Variants in TXNDC16 observed in about 807,000 individuals in gnomAD.
The protein encoded by TXNDC16 is thioredoxin domain-containing protein 16.
A neutral mutation model predicts 85.6 loss-of-function variants in TXNDC16; 74 were observed. That is an observed-to-expected ratio of 0.86 (90% CI 0.72 to 1.05). The LOEUF (loss-of-function observed/expected upper bound fraction) is 1.05, where lower values mean the gene tolerates loss of function less well. TXNDC16 is among the 50% of genes least tolerant of loss of function. The pLI, the probability that TXNDC16 is intolerant of heterozygous loss-of-function variation, is 0.00. For missense variants in TXNDC16, 959 were observed against 947.0 expected (o/e 1.01, Z -0.17); for synonymous variants, 335 against 326.5 (o/e 1.03, Z -0.28).
intron 18 of TXNDC16, among the ~76,000 whole-genome samples, chr14:52,452,490 G>A (rs1167222083): frequency 1.3e-5 from 2 of 152,096 alleles, no homozygotes; most frequent in Admixed American, 6.6e-5. Context: ...CAGGCACATA[G>A]ACCAATGGAA....
intron 6 of TXNDC16, among the ~76,000 whole-genome samples, chr14:52,525,997 CT>C (rs1225570836): frequency 2.0e-5 from 3 of 151,718 alleles, no homozygotes; most frequent in African/African-American, 7.3e-5. Flanking sequence ...ATTTTTTTTA[CT>C]GTTGTATTGT....
At position 52,439,211 on chromosome 14, in the gene TXNDC16, A is replaced by G. The variant is rs1439170715; in HGVS notation, c.2187T>C (p.Asn729=). 6.2e-7 allele frequency: 1 copy of G among 1,613,652 alleles called. No homozygotes were observed. The highest frequency in any genetic ancestry group is 1.3e-5 in the African/African-American group (1 of 75,026). Residue 729 remains asparagine, a synonymous_variant, in exon 20 of 21, where the codon AAT becomes AAC. Coordinates refer to ENST00000281741, the MANE Select transcript of TXNDC16 (RefSeq NM_020784.3). ...ACAAAACAGAAAACTTACTGATATG[A>G]TTTTCTAGTCCTGCTTCTAATTTCT... ...WLKKLEAGLE[N]HITILPAQEW... is the part of the protein sequence containing the mutation.
Position 52,431,312 on chromosome 14 carries a change from A to G in TXNDC16, c.*992T>C, listed in dbSNP as rs962469682. The G allele has an allele frequency of 8.5e-5, 13 of 152,190 alleles. No individual in the cohort carries two copies. Among genetic ancestry groups the G allele is most frequent in the Non-Finnish European group, 1.5e-4 (10 of 68,030 alleles). 9.4% of individuals were successfully genotyped at this position (152,190 alleles called of 1,614,324 possible). A position where few individuals can be genotyped will look rare whatever the true frequency, so the allele number is the denominator to read the frequency against. ...TGGCAGAATGCTGAATCCCTGTTCA[A>G]TCTGAAATTTAGCCATATAACTTGT... On this transcript the variant is annotated 3_prime_UTR_variant, in exon 21 of 21. Coordinates refer to ENST00000281741, the MANE Select transcript of TXNDC16 (RefSeq NM_020784.3).
Position 52,519,174 on chromosome 14 carries a change from G to A in TXNDC16, c.512C>T (p.Pro171Leu), listed in dbSNP as rs752511858. Residue 171 changes from proline (P) to leucine (L), a missense_variant and splice_region_variant, in exon 7 of 21, where the codon CCA becomes CTA. By Grantham distance (98) the Pro-to-Leu change is moderately conservative. Transcript: ENST00000281741. The stretch of plus-strand genomic sequence containing the variant: ...TTAAAGCAAAAGTTAAAGAATACCT[G>A]GTATTCCAATGGCTCTTACATATGA... ...IFSYVRAIGI[P>L]EHRAVMEAAF... 10 of 1,607,628 alleles carry A rather than the reference G, an allele frequency of 6.2e-6. No individual in the cohort carries two copies. The highest frequency in any genetic ancestry group is 6.8e-6 in the Non-Finnish European group (8 of 1,177,298).
chr14:52,457,139 TTAGG>T lies in TXNDC16; in HGVS notation c.1650_1653del (p.Tyr550Ter). 1 of 1,592,682 alleles carries T rather than the reference TTAGG, an allele frequency of 6.3e-7. No homozygotes were observed. The stretch of plus-strand genomic sequence containing the variant: ...TAAATTCCAGTGATAACATATCCTT[TTAGG>T]TAGTTTCCTGCTTCACTAAAATCTT... On this transcript the variant is annotated frameshift_variant, in exon 17 of 21. Transcript: ENST00000281741. LOFTEE classifies it high-confidence loss of function.
intron 9 of TXNDC16, among the ~76,000 whole-genome samples, chr14:52,508,865 T>C (rs985239446): frequency 2.6e-5 from 4 of 151,946 alleles, no homozygotes; most frequent in Non-Finnish European, 4.4e-5. Context: ...AAAGAACACA[T>C]TGACACAAGA....
chr14:52,445,581 T>C (rs1450009309), intron 18 of TXNDC16, among the ~76,000 whole-genome samples: 1 of 152,244 alleles, frequency 6.6e-6, no homozygotes, highest in East Asian at 1.9e-4. Flanking sequence ...TGTTGTGCCC[T>C]TGAATCCACT....
chr14:52,462,882 C>A (rs2035684438), intron 16 of TXNDC16: 1 of 453,760 alleles, frequency 2.2e-6, no homozygotes, highest in Non-Finnish European at 4.4e-6. Flanking sequence ...GTACTCAGTT[C>A]TTCAGAAATT....
At chr14:52,490,796 T>C in intron 10 of TXNDC16, 43 bp downstream of exon 10, 4 of 1,575,344 alleles carry the variant, frequency 2.5e-6, no homozygotes, top group Admixed American at 2.0e-5. Context: ...TGGAAACTAT[T>C]AGCGTTTTGC....
chr14:52,519,756 T>C (rs1272435650), intron 6 of TXNDC16, among the ~76,000 whole-genome samples: 1 of 152,234 alleles, frequency 6.6e-6, no homozygotes, highest in Non-Finnish European at 1.5e-5. Context: ...TCAGAGCCTC[T>C]GCACACAGTT....
rs181992242 is a variant in TXNDC16, at chr14:52,498,721, T to C, written c.757-7716A>G. ...TGTGTTCATGGATTAGAAGACTTAA[T>C]AATATTATTAAAATGTCTATACTAC... is the stretch of plus-strand genomic sequence containing the variant. On this transcript the variant is annotated intron_variant, in intron 9 of 20. Transcript: ENST00000281741. Among the ~76,000 whole-genome samples, 216 of 152,226 alleles carry C rather than the reference T, an allele frequency of 1.4e-3. 2 individuals carry two copies. Among genetic ancestry groups the C allele is most frequent in the Admixed American group, 9.0e-3 (138 of 15,290 alleles).
intron 14 of TXNDC16, among the ~76,000 whole-genome samples, chr14:52,478,836 C>T (rs1298440957): frequency 6.6e-6 from 1 of 152,040 alleles, no homozygotes; most frequent in Non-Finnish European, 1.5e-5. Flanking sequence ...CACCCTAATA[C>T]CAAAACCAGG....
intron 14 of TXNDC16, 129 bp downstream of exon 14, chr14:52,482,101 T>C (rs2036163333): frequency 2.6e-6 from 2 of 765,046 alleles, no homozygotes; most frequent in Admixed American, 5.9e-5. Context: ...GTTCATTAAC[T>C]TAACCCTGGA....
chr14:52,498,985 T>C (rs1007466170), intron 9 of TXNDC16, among the ~76,000 whole-genome samples: 1 of 152,010 alleles, frequency 6.6e-6, no homozygotes, highest in Non-Finnish European at 1.5e-5. Flanking sequence ...CATAGACCAA[T>C]GGAACAAAAT....
intron 20 of TXNDC16, among the ~76,000 whole-genome samples, chr14:52,438,230 G>C (rs550549101): frequency 6.6e-6 from 1 of 152,164 alleles, no homozygotes; most frequent in African/African-American, 2.4e-5. Context: ...CGATTCAAAG[G>C]ATTGATTCCA....
chr14:52,542,989 G>T (rs1202386178), intron 3 of TXNDC16, among the ~76,000 whole-genome samples: 1 of 151,754 alleles, frequency 6.6e-6, no homozygotes, highest in African/African-American at 2.4e-5. Flanking sequence ...GCTAAAGCAG[G>T]GTATTAATCT....
At chr14:52,445,518 G>T (rs1335027280) in intron 18 of TXNDC16, among the ~76,000 whole-genome samples, 4 of 152,170 alleles carry the variant, frequency 2.6e-5, no homozygotes, top group Admixed American at 2.6e-4. Context: ...ATAAATTCTA[G>T]CTATGTTTAA....
chr14:52,536,683 C>T, intron 6 of TXNDC16, 36 bp downstream of exon 6: 1 of 1,510,836 alleles, frequency 6.6e-7, no homozygotes, highest in South Asian at 1.2e-5. Context: ...AGATAAGTAA[C>T]AAGTAAACAA....
chr14:52,514,822 A>G, intron 8 of TXNDC16, 58 bp downstream of exon 8: 4 of 1,304,080 alleles, frequency 3.1e-6, no homozygotes, highest in African/African-American at 1.5e-5. Flanking sequence ...GTAATGCGAA[A>G]TAAGTGAAGA....
Sources: gnomAD v4.1 joint callset for allele counts (sites outside exome capture counted in the v4.1 genomes callset) on GRCh38, gnomAD v4.1.1 for gene constraint, MANE v1.5 for transcripts, NCBI Gene and HGNC (gene_info 2026-07-23, HGNC 2026-07-21) for gene names.